The following CUX1 variants were observed in gnomAD, a reference collection of about 807,000 sequenced individuals.
The protein encoded by CUX1 is protein CASP.
In CUX1, 31 loss-of-function variants were observed where a neutral mutation model predicts 158.8. The observed-to-expected ratio is 0.20, with a 90% CI of 0.15 to 0.26. The LOEUF (loss-of-function observed/expected upper bound fraction) is 0.26. Among genes scored for constraint, CUX1 ranks in the 10% least tolerant of loss-of-function variants. CUX1 has a pLI of 1.00. For missense variants in CUX1, 1,589 were observed against 2,014.6 expected, an observed-to-expected ratio of 0.79 and a Z score of 4.04; for synonymous variants, 879 against 862.1, an observed-to-expected ratio of 1.02 and a Z score of -0.34.
intron 2 of CUX1, among the ~76,000 whole-genome samples, chr7:101,974,798 G>A (rs531412011): frequency 2.0e-5 from 3 of 152,272 alleles, no homozygotes; most frequent in Non-Finnish European, 4.4e-5. Flanking sequence ...TGCGTTGTAT[G>A]TATAATAAAC....
At chr7:102,016,035 G>A (rs183662579) in intron 2 of CUX1, among the ~76,000 whole-genome samples, 4 of 151,908 alleles carry the variant, frequency 2.6e-5, no homozygotes, top group Admixed American at 2.0e-4. Flanking sequence ...GGGTGGTCTC[G>A]ACCTCCTAGG....
At position 102,205,092 on chromosome 7, in the gene CUX1, T is replaced by C. The variant is rs1191784720; in HGVS notation, c.3074-22T>C. 4 of 1,576,196 alleles carry C rather than the reference T, an allele frequency of 2.5e-6. No homozygotes were observed. In the Admixed American group the frequency reaches 6.7e-5, roughly 26 times the overall value. On this transcript the variant is annotated intron_variant, in intron 19 of 23. Transcript: ENST00000292535. ...CCCTGGGCCGCGTTCCTTCCTTTAA[T>C]TATAACCTTTTTCTACTTTAGTCCT... is the stretch of plus-strand genomic sequence containing the variant.
chr7:102,098,702 A>C (rs987884272), intron 5 of CUX1, among the ~76,000 whole-genome samples: 19 of 149,478 alleles, frequency 1.3e-4, no homozygotes, highest in Admixed American at 5.4e-4. Context: ...AGTGCAGTGC[A>C]CGATCTCGGC....
intron 20 of CUX1, among the ~76,000 whole-genome samples, chr7:102,207,632 G>A (rs1485425254): frequency 5.3e-5 from 8 of 151,874 alleles, no homozygotes; most frequent in Admixed American, 1.3e-4. Flanking sequence ...TTGTAGTTTC[G>A]GTAGTGACAG....
chr7:102,046,855 A>G (rs1354485231), intron 3 of CUX1, among the ~76,000 whole-genome samples: 1 of 152,104 alleles, frequency 6.6e-6, no homozygotes, highest in East Asian at 1.9e-4. Context: ...TGTTGGGATT[A>G]CAGGCATGAG....
intron 21 of CUX1, among the ~76,000 whole-genome samples, chr7:102,228,112 G>A (rs1798545807): frequency 6.6e-6 from 1 of 151,788 alleles, no homozygotes; most frequent in South Asian, 2.1e-4. Flanking sequence ...CACCACTCCT[G>A]GCTAATTTTT....
intron 2 of CUX1, among the ~76,000 whole-genome samples, chr7:101,929,596 T>C (rs78498619): frequency 0.012 from 1,851 of 152,278 alleles, 31 homozygotes; most frequent in African/African-American, 0.042. Flanking sequence ...TATGATTTGG[T>C]TGAAATCGTG....
intron 8 of CUX1, among the ~76,000 whole-genome samples, chr7:102,134,826 G>A (rs1833719354): frequency 1.3e-5 from 2 of 152,102 alleles, no homozygotes; most frequent in Admixed American, 6.6e-5. Context: ...AAACTCCTGG[G>A]CTCAAGCGAT....
chr7:102,229,868 C>A (rs531762940), intron 21 of CUX1, among the ~76,000 whole-genome samples: 23 of 152,184 alleles, frequency 1.5e-4, no homozygotes, highest in Admixed American at 2.6e-4. Context: ...GTGATCCACC[C>A]ACCTTGGCCT....
chr7:102,067,218 A>G (rs1490568149), intron 3 of CUX1, among the ~76,000 whole-genome samples: 1 of 133,830 alleles, frequency 7.5e-6, no homozygotes. Context: ...GTGTGTCTGC[A>G]TTTCATGTAA....
Position 101,926,737 on chromosome 7 carries a change from G to A in CUX1, c.141+10512G>A, listed in dbSNP as rs199905715. ...GTGACCTTGAGCAAGGTCAAAAACT[G>A]TTCTAAGACTTGGTCCCCTTATGTA... On this transcript the variant is annotated intron_variant, in intron 2 of 23. Coordinates refer to ENST00000292535, the MANE Select transcript of CUX1 (RefSeq NM_181552.4). Among the ~76,000 whole-genome samples, 17 of 152,284 alleles carry A rather than the reference G, an allele frequency of 1.1e-4. No individual in the cohort carries two copies. The East Asian group carries it at 3.3e-3, about 29-fold the overall frequency.
intron 1 of CUX1, among the ~76,000 whole-genome samples, chr7:101,893,034 TGGG>T (rs1251529234): frequency 1.3e-5 from 2 of 152,030 alleles, no homozygotes; most frequent in South Asian, 4.1e-4. Flanking sequence ...TTCTTGTATT[TGGG>T]GGGCAGGCTG....
At chr7:101,994,888 A>G (rs1815638086) in intron 2 of CUX1, among the ~76,000 whole-genome samples, 2 of 150,210 alleles carry the variant, frequency 1.3e-5, no homozygotes, top group South Asian at 2.1e-4. Context: ...CCAGGAGTTC[A>G]AGACCAGCCT....
intron 2 of CUX1, among the ~76,000 whole-genome samples, chr7:102,020,957 C>T (rs1819267992): frequency 6.6e-5 from 10 of 151,994 alleles, no homozygotes; most frequent in Admixed American, 6.6e-4. Flanking sequence ...GAGAATTACC[C>T]CAGATGAGGG....
At chr7:101,859,818 G>A (rs1192907181) in intron 1 of CUX1, among the ~76,000 whole-genome samples, 2 of 151,414 alleles carry the variant, frequency 1.3e-5, no homozygotes, top group Non-Finnish European at 2.9e-5. Context: ...CTCTCTCTCA[G>A]TCCTTTCTTT....
chr7:101,898,307 G>A (rs967632032), intron 1 of CUX1, among the ~76,000 whole-genome samples: 11 of 152,154 alleles, frequency 7.2e-5, no homozygotes, highest in Admixed American at 5.2e-4. Context: ...TGTTACGGCT[G>A]CCACTCGGCC....
intron 8 of CUX1, among the ~76,000 whole-genome samples, chr7:102,121,382 A>G (rs1459671628): frequency 1.6e-4 from 20 of 127,254 alleles, no homozygotes; most frequent in African/African-American, 3.4e-4. Context: ...GTCTCGCTCT[A>G]TTGCCCAGGC....
Position 102,030,703 on chromosome 7 carries a change from T to G in CUX1, c.189+2558T>G, listed in dbSNP as rs1585341862. 2.0e-5 allele frequency among the ~76,000 whole-genome samples: 3 copies of G among 148,940 alleles called. No homozygotes were observed. In the South Asian group the frequency reaches 6.4e-4, roughly 32 times the overall value. ...TATTTTAAAAAGTGTTTTTTTTTTT[T>G]GAGACAGGGTCTCGCTCGGTAACCC... On this transcript the variant is annotated intron_variant, in intron 3 of 23. Coordinates refer to ENST00000292535, the MANE Select transcript of CUX1 (RefSeq NM_181552.4).
chr7:102,127,187 C>G (rs988487042), intron 8 of CUX1, among the ~76,000 whole-genome samples: 2 of 152,186 alleles, frequency 1.3e-5, no homozygotes, highest in African/African-American at 4.8e-5. Flanking sequence ...GACCCCTGAT[C>G]TATATAGTGC....
Sources: gnomAD v4.1 joint callset for allele counts (sites outside exome capture counted in the v4.1 genomes callset) on GRCh38, gnomAD v4.1.1 for gene constraint, MANE v1.5 for transcripts, NCBI Gene and HGNC (gene_info 2026-07-23, HGNC 2026-07-21) for gene names.